ESRRA: variants seen among roughly 807,000 people sequenced by gnomAD.
ESRRA encodes estrogen related receptor alpha, also known as steroid hormone receptor ERR1.
Under a neutral mutation model 35.6 loss-of-function variants are expected in ESRRA, and 7 were observed. That is an observed-to-expected ratio of 0.20 (90% confidence interval 0.11 to 0.37). The LOEUF (loss-of-function observed/expected upper bound fraction) is 0.37, where lower values mean the gene tolerates loss of function less well. Ranked by LOEUF, ESRRA falls within the 10% of genes least tolerant of loss-of-function variation. ESRRA has a pLI of 1.00. For missense variants in ESRRA, 378 were observed against 561.7 expected (o/e 0.67, Z 3.31); for synonymous variants, 223 against 246.9 (o/e 0.90, Z 0.91).
At position 64,315,867 on chromosome 11, in the gene ESRRA, A is replaced by G; in HGVS notation, c.1173A>G (p.Thr391=). 1 of 1,610,368 alleles carries G rather than the reference A, an allele frequency of 6.2e-7. No homozygotes were observed. Among genetic ancestry groups the G allele is most frequent in the Non-Finnish European group, 8.5e-7 (1 of 1,178,314 alleles). Residue 391 remains threonine, a synonymous_variant, in exon 7 of 7, where the codon ACA becomes ACG. Coordinates refer to ENST00000000442, the MANE Select transcript of ESRRA (RefSeq NM_004451.5). ...LLLTLPLLRQ[T]AGKVLAHFYG... ...TCACGCTACCGCTCCTCCGCCAGACAGCGGGCAAAGTGCTGGCCCATTTCT... is the reference window on the plus strand; with the variant it reads ...TCACGCTACCGCTCCTCCGCCAGACGGCGGGCAAAGTGCTGGCCCATTTCT...
At position 64,307,322 on chromosome 11, in the gene ESRRA, C is replaced by G; in HGVS notation, c.143C>G (p.Pro48Arg). The G allele has an allele frequency of 6.2e-7, 1 of 1,613,054 alleles. No individual in the cohort carries two copies. Among genetic ancestry groups the G allele is most frequent in the Non-Finnish European group, 8.5e-7 (1 of 1,179,786 alleles). Residue 48 changes from proline (P) to arginine (R), a missense_variant, in exon 2 of 7, where the codon CCA becomes CGA. Physicochemically the swap from Pro to Arg is moderately radical, Grantham distance 103. This residue lies in a region of ESRRA where 87 missense variants were observed against 92.6 expected (regional missense o/e 0.94). Coordinates refer to ENST00000000442, the MANE Select transcript of ESRRA (RefSeq NM_004451.5). ...GGTCCAGCTCCCACTCGCTGCCTCC[C>G]AGGCCACAAGGAAGAGGAGGATGGG... is the stretch of plus-strand genomic sequence containing the variant. ...APGPAPTRCLPGHKEEEDGEG... is the reference protein window; with the variant it reads ...APGPAPTRCLRGHKEEEDGEG...
chr11:64,312,600 C>T (rs1309068569), intron 2 of ESRRA, among the ~76,000 whole-genome samples: 3 of 152,334 alleles, frequency 2.0e-5, no homozygotes, highest in Middle Eastern at 3.4e-3. Flanking sequence ...TGCCAGGCCT[C>T]GTTGCTAGTG....
At chr11:64,309,292 G>C (rs1430104094) in intron 2 of ESRRA, among the ~76,000 whole-genome samples, 1 of 151,112 alleles carries the variant, frequency 6.6e-6, no homozygotes, top group African/African-American at 2.4e-5. Flanking sequence ...AATTAGCCGG[G>C]CGTGGTGGTG....
chr11:64,315,457 A>G (rs2035229083), intron 6 of ESRRA, among the ~76,000 whole-genome samples, 187 bp downstream of exon 6: 2 of 152,220 alleles, frequency 1.3e-5, no homozygotes, highest in Admixed American at 1.3e-4. Flanking sequence ...TTTGAGCCCT[A>G]GTGCCACACT....
chr11:64,315,475 A>G (rs2035229391), intron 6 of ESRRA, among the ~76,000 whole-genome samples: 1 of 152,228 alleles, frequency 6.6e-6, no homozygotes, highest in African/African-American at 2.4e-5. Context: ...ACTAATGCAG[A>G]AAGGTCATTT....
Position 64,309,434 on chromosome 11 carries a change from C to CAA in ESRRA, c.325+1945_325+1946dup, listed in dbSNP as rs5792320. Among the ~76,000 whole-genome samples the CAA allele has an allele frequency of 3.0e-3, 369 of 122,294 alleles. 5 individuals carry two copies. The highest frequency in any genetic ancestry group is 6.1e-3 in the African/African-American group (184 of 29,940). The allele number at this position is 122,294 out of a possible 152,430, so 80.2% of individuals were successfully genotyped here. On this transcript the variant is annotated intron_variant, in intron 2 of 6. Transcript: ENST00000000442. Reference sequence around the variant, plus strand: ...GCAACAGAATGAGACACTCTCATCTCAAAAAAAAAAAAAAAAGGACTTACA... The same window carrying CAA: ...GCAACAGAATGAGACACTCTCATCTCAAAAAAAAAAAAAAAAAAGGACTTACA...
At position 64,314,868 on chromosome 11, in the gene ESRRA, C is replaced by T. The variant is rs765819260; in HGVS notation, c.699C>T (p.Asp233=). 6.2e-7 allele frequency: 1 copy of T among 1,612,406 alleles called. No homozygotes were observed. The highest frequency in any genetic ancestry group is 8.5e-7 in the Non-Finnish European group (1 of 1,180,022). ...PAVATLCDLF[D]REIVVTISWA... is the part of the protein sequence containing the mutation. ...TGGCTACCCTCTGTGACCTCTTTGA[C>T]CGAGAGATTGTGGTCACCATCAGCT... Residue 233 remains aspartate, a synonymous_variant, in exon 5 of 7, where the codon GAC becomes GAT. Transcript: ENST00000000442.
Position 64,315,706 on chromosome 11 carries a change from G to C in ESRRA, c.1013-1G>C. On this transcript the variant is annotated splice_acceptor_variant, in intron 6 of 6. Coordinates refer to ENST00000000442, the MANE Select transcript of ESRRA (RefSeq NM_004451.5). LOFTEE classifies it high-confidence loss of function. ...AACACCACATTCCTCTCTTCTTGCAGACTCTGTGCACATCGAAGATGCCGA... is the reference window on the plus strand; with the variant it reads ...AACACCACATTCCTCTCTTCTTGCACACTCTGTGCACATCGAAGATGCCGA... 6.2e-7 allele frequency: 1 copy of C among 1,613,772 alleles called. No individual in the cohort carries two copies. Among genetic ancestry groups the C allele is most frequent in the Non-Finnish European group, 8.5e-7 (1 of 1,179,732 alleles).
At chr11:64,314,412 T>TGTGTGG in intron 4 of ESRRA, 45 bp downstream of exon 4, 2 of 1,495,522 alleles carry the variant, frequency 1.3e-6, no homozygotes, top group Non-Finnish European at 1.8e-6. Flanking sequence ...CGGAGGCCTA[T>TGTGTGG]GTGTGGCATC....
chr11:64,314,564 C>G (rs2035203072), intron 4 of ESRRA, among the ~76,000 whole-genome samples, 177 bp from the exon 5 acceptor site: 1 of 152,168 alleles, frequency 6.6e-6, no homozygotes, highest in South Asian at 2.1e-4. Context: ...ACACTCACAG[C>G]CTGTCCACAA....
chr11:64,313,776 G>A lies in ESRRA; in HGVS notation c.326-175G>A, dbSNP rs1369677792. On this transcript the variant is annotated intron_variant, in intron 2 of 6. Coordinates refer to ENST00000000442, the MANE Select transcript of ESRRA (RefSeq NM_004451.5). The surrounding 1 kb of genome is among the most constrained non-coding windows in gnomAD (Gnocchi z 4.0). The stretch of plus-strand genomic sequence containing the variant: ...TCCAGCTCCTCCCTCATCCAGGCAG[G>A]GCTCCCCCGCCCAGCAGCCACTCCC... 9 of 557,882 alleles carry A rather than the reference G, an allele frequency of 1.6e-5. No individual in the cohort carries two copies. Among genetic ancestry groups the A allele is most frequent in the Non-Finnish European group, 2.9e-5 (9 of 311,620 alleles). 34.6% of individuals were successfully genotyped at this position (557,882 alleles called of 1,614,324 possible).
chr11:64,313,556 A>AAGTGTTTC lies in ESRRA; in HGVS notation c.326-386_326-379dup. ...ATGCTGTCCTAGAAGCAAAAGAAGA[A>AAGTGTTTC]AGTGTTTCAGTGTTTCTAGGAGCAG... On this transcript the variant is annotated intron_variant, in intron 2 of 6. Transcript: ENST00000000442. The surrounding 1 kb of genome is among the most constrained non-coding windows in gnomAD (Gnocchi z 4.0). Among the ~76,000 whole-genome samples, 1 of 152,238 alleles carries AAGTGTTTC rather than the reference A, an allele frequency of 6.6e-6. No individual in the cohort carries two copies. Among genetic ancestry groups the AAGTGTTTC allele is most frequent in the East Asian group, 1.9e-4 (1 of 5,176 alleles).
chr11:64,308,384 C>T (rs2035074626), intron 2 of ESRRA, among the ~76,000 whole-genome samples: 1 of 151,624 alleles, frequency 6.6e-6, no homozygotes, highest in Non-Finnish European at 1.5e-5. Context: ...GGCATGGTGG[C>T]TCGCGCCTGT....
rs1467580819 is a variant in ESRRA at position 64,316,710 on chromosome 11, A to G, written c.*744A>G. 1.6e-6 allele frequency: 1 copy of G among 626,624 alleles called. No homozygotes were observed. The highest frequency in any genetic ancestry group is 2.9e-6 in the Non-Finnish European group (1 of 347,158). The allele number at this position is 626,624 out of a possible 1,614,324, so 38.8% of individuals were successfully genotyped here. A position where few individuals can be genotyped will look rare whatever the true frequency, so the allele number is the denominator to read the frequency against. ...AACCGCTTTTGGTTTTAAACCTTTA[A>G]TGAGAAAAAAATATATAATACCGAG... On this transcript the variant is annotated 3_prime_UTR_variant, in exon 7 of 7. Transcript: ENST00000000442.
chr11:64,307,409 G>T lies in ESRRA; in HGVS notation c.230G>T (p.Arg77Leu), dbSNP rs1354421330. The change falls in exon 2 of 7, where the codon CGC becomes CTC. Residue 77 changes from arginine (R) to leucine (L), a missense_variant. This residue lies in a region of ESRRA where 7 missense variants were observed against 40.7 expected (regional missense o/e 0.17). Transcript: ENST00000000442. ...CTGGTGCTCAGCTCCCTGCCCAAGC[G>T]CCTCTGCCTGGTCTGTGGGGACGTG... ...GKLVLSSLPK[R>L]LCLVCGDVAS... The T allele has an allele frequency of 6.3e-7, 1 of 1,588,662 alleles. No homozygotes were observed. The highest frequency in any genetic ancestry group is 1.7e-5 in the Admixed American group (1 of 57,936).
chr11:64,315,697 C>T lies in ESRRA; in HGVS notation c.1013-10C>T. On this transcript the variant is annotated splice_polypyrimidine_tract_variant and intron_variant, in intron 6 of 6. Transcript: ENST00000000442. ...GCCCAGGCCAACACCACATTCCTCTCTTCTTGCAGACTCTGTGCACATCGA... is the reference window on the plus strand; with the variant it reads ...GCCCAGGCCAACACCACATTCCTCTTTTCTTGCAGACTCTGTGCACATCGA... 1 of 1,609,656 alleles carries T rather than the reference C, an allele frequency of 6.2e-7. No individual in the cohort carries two copies. Among genetic ancestry groups the T allele is most frequent in the Admixed American group, 1.7e-5 (1 of 59,910 alleles).
chr11:64,313,483 C>T lies in ESRRA; in HGVS notation c.326-468C>T, dbSNP rs1172481255. ...CTGGATGGAAGAGCTTGGGAAGATGCTCAGAAACCACAAAGTGGCTGGTGC... is the reference window on the plus strand; with the variant it reads ...CTGGATGGAAGAGCTTGGGAAGATGTTCAGAAACCACAAAGTGGCTGGTGC... On this transcript the variant is annotated intron_variant, in intron 2 of 6. Coordinates refer to ENST00000000442, the MANE Select transcript of ESRRA (RefSeq NM_004451.5). This position sits in a 1 kb window ranked among gnomAD's most constrained non-coding sequence, Gnocchi z 4.0. Among the ~76,000 whole-genome samples, 1 of 152,178 alleles carries T rather than the reference C, an allele frequency of 6.6e-6. No individual in the cohort carries two copies. The highest frequency in any genetic ancestry group is 6.5e-5 in the Admixed American group (1 of 15,280).
In ESRRA at chr11:64,305,976, C is replaced by T. The variant is rs2035023345; in HGVS notation, c.-13+240C>T. ...ATCTGGCTCTGGCTGCGGGTCCTGA[C>T]TCGGGTCAGGGTTGGGCCTCCGATC... On this transcript the variant is annotated intron_variant, in intron 1 of 6. Transcript: ENST00000000442. The surrounding 1 kb of genome is among the most constrained non-coding windows in gnomAD (Gnocchi z 5.8). 6.6e-6 allele frequency among the ~76,000 whole-genome samples: 1 copy of T among 152,034 alleles called. No homozygotes were observed. The highest frequency in any genetic ancestry group is 2.4e-5 in the African/African-American group (1 of 41,402).
rs1035509985 is a variant in ESRRA at position 64,316,651 on chromosome 11, G to T, written c.*685G>T. 9 of 570,658 alleles carry T rather than the reference G, an allele frequency of 1.6e-5. No individual in the cohort carries two copies. Among genetic ancestry groups the T allele is most frequent in the Admixed American group, 3.1e-5 (1 of 31,890 alleles). The allele number at this position is 570,658 out of a possible 1,614,324, so 35.3% of individuals were successfully genotyped here. ...GGCCCAGAGCCCTTGGCTGTACAGA[G>T]ACTCTATTTTAATGTATATTTGCTG... On this transcript the variant is annotated 3_prime_UTR_variant, in exon 7 of 7. Transcript: ENST00000000442.
Sources: allele counts gnomAD v4.1 joint callset (sites outside exome capture counted in the v4.1 genomes callset), GRCh38; gene constraint gnomAD v4.1.1; regional missense constraint gnomAD v4.1.1; non-coding constraint Gnocchi (gnomAD v3.1); transcripts MANE v1.5; gene names NCBI Gene and HGNC (gene_info 2026-07-23, HGNC 2026-07-21).